PCNX2: variants seen among roughly 807,000 people sequenced by gnomAD.
PCNX2 encodes the protein pecanex-like protein 2.
In PCNX2, 168 loss-of-function variants were observed where a neutral mutation model predicts 223.8. The observed-to-expected ratio is 0.75, with a 90% CI of 0.66 to 0.85. The LOEUF (loss-of-function observed/expected upper bound fraction) is 0.85, where lower values mean the gene tolerates loss of function less well. Ranked by LOEUF, PCNX2 falls within the 40% of genes least tolerant of loss-of-function variation. PCNX2 has a pLI of 0.00. For synonymous variants in PCNX2, 1,006 were observed against 1,052.6 expected, an observed-to-expected ratio of 0.96 and a Z score of 0.86; for missense variants, 2,507 against 2,675.5, an observed-to-expected ratio of 0.94 and a Z score of 1.39.
chr1:233,014,654 C>T lies in PCNX2; in HGVS notation c.4952+11G>A, dbSNP rs1241457717. On this transcript the variant is annotated intron_variant, in intron 28 of 33. Transcript: ENST00000258229. The stretch of plus-strand genomic sequence containing the variant: ...TGTACCTAAGAGATTCTAACTTCTC[C>T]CCCCAGGTACCTGATGGCCATATTG... 6.2e-7 allele frequency: 1 copy of T among 1,609,148 alleles called. No individual in the cohort carries two copies. The highest frequency in any genetic ancestry group is 2.2e-5 in the East Asian group (1 of 44,840).
intron 32 of PCNX2, among the ~76,000 whole-genome samples, chr1:232,987,926 A>G (rs1669550369): frequency 6.6e-6 from 1 of 152,162 alleles, no homozygotes; most frequent in Non-Finnish European, 1.5e-5. Context: ...CGCTCGCCCC[A>G]CAGTGCTGGG....
Position 233,090,157 on chromosome 1 carries a change from G to A in PCNX2, c.3980C>T (p.Thr1327Ile). Reference protein sequence around the residue: ...SAMLFFQTIATSIFSTPLSPF... With the variant: ...SAMLFFQTIAISIFSTPLSPF... ...GCTCAATGGGGTAGAAAAGATTGAT[G>A]TGGCAATCGTCTGAAAGAAAAGCAT... Residue 1327 changes from threonine (T) to isoleucine (I), a missense_variant, in exon 23 of 34, where the codon ACA becomes ATA. Physicochemically the swap from Thr to Ile is moderately conservative, Grantham distance 89. Coordinates refer to ENST00000258229, the MANE Select transcript of PCNX2 (RefSeq NM_014801.4). 1.2e-6 allele frequency: 2 copies of A among 1,613,712 alleles called. No homozygotes were observed. The highest frequency in any genetic ancestry group is 8.5e-7 in the Non-Finnish European group (1 of 1,179,742).
At chr1:233,163,094 T>C (rs542172948) in intron 17 of PCNX2, among the ~76,000 whole-genome samples, 1 of 152,138 alleles carries the variant, frequency 6.6e-6, no homozygotes, top group East Asian at 1.9e-4. Flanking sequence ...CCTTTCTCTA[T>C]TTATTAAAAT....
intron 1 of PCNX2, among the ~76,000 whole-genome samples, chr1:233,284,851 C>T (rs1275348376): frequency 6.6e-6 from 1 of 152,048 alleles, no homozygotes; most frequent in African/African-American, 2.4e-5. Context: ...GCCTCCAGAG[C>T]CACAGCATGA....
At position 233,025,314 on chromosome 1, in the gene PCNX2, G is replaced by C; in HGVS notation, c.4437C>G (p.His1479Gln). Residue 1479 changes from histidine (H) to glutamine (Q), a missense_variant, in exon 26 of 34, where the codon CAC (histidine) becomes CAG (glutamine). This residue lies in a region of PCNX2 where 1,372 missense variants were observed against 1,509.4 expected (regional missense o/e 0.91). Coordinates refer to ENST00000258229, the MANE Select transcript of PCNX2 (RefSeq NM_014801.4). ...CGTTGCAGGACAGCAGGTGAGGCAA[G>C]TGGCCTGGTTTGCAGCAGCAGCAGC... ...DRGCCCCKPGHLPHLLSCNAA... is the reference protein window; with the variant it reads ...DRGCCCCKPGQLPHLLSCNAA... 1.2e-6 allele frequency: 2 copies of C among 1,614,056 alleles called. No individual in the cohort carries two copies. The highest frequency in any genetic ancestry group is 1.7e-6 in the Non-Finnish European group (2 of 1,179,908).
intron 23 of PCNX2, among the ~76,000 whole-genome samples, chr1:233,070,360 C>T (rs1402001771): frequency 1.3e-5 from 2 of 151,978 alleles, no homozygotes; most frequent in African/African-American, 4.8e-5. Flanking sequence ...CTATTTATTT[C>T]ATGAAGCTAG....
In PCNX2 at chr1:233,289,070, G is replaced by A. The variant is rs370689585; in HGVS notation, c.153+6256C>T. On this transcript the variant is annotated intron_variant, in intron 1 of 33. Coordinates refer to ENST00000258229, the MANE Select transcript of PCNX2 (RefSeq NM_014801.4). ...AGACCAAGTCCTCAAGGATGGCATC[G>A]TGCACAGCTGTCAGAGTATGGCTCC... The A allele has an allele frequency of 2.2e-4, 245 of 1,092,812 alleles. 1 individual carries two copies. Among genetic ancestry groups the A allele is most frequent in the South Asian group, 6.7e-4 (54 of 81,002 alleles). 67.7% of individuals were successfully genotyped at this position (1,092,812 alleles called of 1,614,324 possible).
Position 233,088,847 on chromosome 1 carries a change from C to T in PCNX2, c.4076+1214G>A, listed in dbSNP as rs34403278. ...GAATAATCATCCTAGCTCAGGCCCA[C>T]GTGGTGCTTACTTTGTGGCAGCCCC... On this transcript the variant is annotated intron_variant, in intron 23 of 33. Transcript: ENST00000258229. 7.3e-3 allele frequency among the ~76,000 whole-genome samples: 1,107 copies of T among 152,304 alleles called. 8 individuals are homozygous for T. Among genetic ancestry groups the T allele is most frequent in the Non-Finnish European group, 0.013 (860 of 68,032 alleles).
chr1:233,170,122 A>G (rs1679064585), intron 17 of PCNX2, among the ~76,000 whole-genome samples: 1 of 152,214 alleles, frequency 6.6e-6, no homozygotes, highest in African/African-American at 2.4e-5. Flanking sequence ...ACAATTTTAT[A>G]TGTGTATTTT....
intron 15 of PCNX2, among the ~76,000 whole-genome samples, chr1:233,195,407 G>T (rs1301358194): frequency 6.6e-6 from 1 of 152,174 alleles, no homozygotes; most frequent in African/African-American, 2.4e-5. Context: ...GCAAGGCAAA[G>T]ATGTCTGATT....
intron 9 of PCNX2, among the ~76,000 whole-genome samples, chr1:233,234,766 G>C (rs1009508149): frequency 6.6e-6 from 1 of 152,114 alleles, no homozygotes; most frequent in Non-Finnish European, 1.5e-5. Context: ...CAACACTAAT[G>C]TTCTGGAGGG....
At chr1:233,292,116 T>A in intron 1 of PCNX2, 1 of 832,098 alleles carries the variant, frequency 1.2e-6, no homozygotes, top group Non-Finnish European at 1.4e-6. Context: ...CCTCAATAAT[T>A]AATAATAAAA....
intron 19 of PCNX2, among the ~76,000 whole-genome samples, chr1:233,159,171 C>T (rs1678312589): frequency 6.6e-6 from 1 of 152,182 alleles, no homozygotes; most frequent in Non-Finnish European, 1.5e-5. Context: ...TAAACCCCAG[C>T]AGCCCGACGA....
rs1659892879 is a variant in PCNX2, at chr1:233,258,914, G to A, written c.948C>T (p.Asp316=). The stretch of plus-strand genomic sequence containing the variant: ...CCTCCACAGGCTTGGCCACGATGGT[G>A]TCACATTGAGGGCAGCTGCTGCTCA... ...DSLSSSCPQC[D]TIVAKPVEEP... Residue 316 remains aspartate (D), a synonymous_variant, in exon 5 of 34, where the codon GAC becomes GAT. Transcript: ENST00000258229. 6.2e-7 allele frequency: 1 copy of A among 1,613,926 alleles called. No individual in the cohort carries two copies. The highest frequency in any genetic ancestry group is 1.7e-5 in the Admixed American group (1 of 60,022).
intron 15 of PCNX2, among the ~76,000 whole-genome samples, chr1:233,197,166 A>AT (rs1680784606): frequency 6.6e-6 from 1 of 152,200 alleles, no homozygotes; most frequent in Non-Finnish European, 1.5e-5. Context: ...GTTGGTGAAA[A>AT]TGCTCTCATA....
intron 1 of PCNX2, chr1:233,294,030 A>G: frequency 1.0e-6 from 1 of 974,464 alleles, no homozygotes; most frequent in Non-Finnish European, 1.2e-6. Context: ...TTCTGTATTT[A>G]ATGCTTTTTA....
chr1:233,119,551 C>T (rs1362925812), intron 21 of PCNX2, among the ~76,000 whole-genome samples: 2 of 148,824 alleles, frequency 1.3e-5, no homozygotes, highest in South Asian at 2.1e-4. Context: ...CGCCACTGCA[C>T]TCCAGCCTGG....
At chr1:233,066,667 A>T (rs1672622752) in intron 23 of PCNX2, among the ~76,000 whole-genome samples, 1 of 152,214 alleles carries the variant, frequency 6.6e-6, no homozygotes, top group Admixed American at 6.5e-5. Flanking sequence ...GATCCAGGCC[A>T]GTAGCGCAAA....
chr1:232,987,294 G>A (rs1207107267), intron 32 of PCNX2, among the ~76,000 whole-genome samples: 1 of 152,260 alleles, frequency 6.6e-6, no homozygotes, highest in East Asian at 1.9e-4. Context: ...CCATGCTGCT[G>A]GAAGCAGGAT....
Sources: allele counts gnomAD v4.1 joint callset (sites outside exome capture counted in the v4.1 genomes callset), GRCh38; gene constraint gnomAD v4.1.1; regional missense constraint gnomAD v4.1.1; transcripts MANE v1.5; gene names NCBI Gene and HGNC (gene_info 2026-07-23, HGNC 2026-07-21).